MCC: variants seen among roughly 807,000 people sequenced by gnomAD.
MCC encodes colorectal mutant cancer protein.
A neutral mutation model predicts 116.2 loss-of-function variants in MCC; 90 were observed. The observed-to-expected ratio is 0.77, with a 90% CI of 0.65 to 0.92. The LOEUF (loss-of-function observed/expected upper bound fraction) is 0.92. Among genes scored for constraint, MCC ranks in the 40% least tolerant of loss-of-function variants. MCC has a pLI of 0.00. For missense variants in MCC, 1,516 were observed against 1,312.2 expected, an observed-to-expected ratio of 1.16 and a Z score of -2.40; for synonymous variants, 578 against 510.5, an observed-to-expected ratio of 1.13 and a Z score of -1.78.
intron 3 of MCC, among the ~76,000 whole-genome samples, chr5:113,166,442 G>C (rs1297690835): frequency 3.9e-5 from 6 of 152,116 alleles, no homozygotes; most frequent in Admixed American, 6.5e-5. Context: ...CTGATATCCA[G>C]ATGGAGTGTC....
Position 113,071,169 on chromosome 5 carries a change from T to A in MCC, c.1850A>T (p.Asn617Ile), listed in dbSNP as rs746062760. 4.3e-6 allele frequency: 7 copies of A among 1,614,214 alleles called. No individual in the cohort carries two copies. Among genetic ancestry groups the A allele is most frequent in the Non-Finnish European group, 5.1e-6 (6 of 1,180,036 alleles). The change falls in exon 12 of 19, where the codon AAT becomes ATT. Residue 617 changes from asparagine (N) to isoleucine (I), a missense_variant. Coordinates refer to ENST00000408903, the MANE Select transcript of MCC (RefSeq NM_001085377.2). ...LTITLEECKS[N>I]AERMSMLVGK... ...CACCAGCATGCTCATCCTCTCGGCATTGCTTTTACATTCCTCCAAGGTTAT... is the reference window on the plus strand; with the variant it reads ...CACCAGCATGCTCATCCTCTCGGCAATGCTTTTACATTCCTCCAAGGTTAT...
At chr5:113,187,049 A>G (rs1280470221) in intron 3 of MCC, among the ~76,000 whole-genome samples, 1 of 152,222 alleles carries the variant, frequency 6.6e-6, no homozygotes, top group Non-Finnish European at 1.5e-5. Flanking sequence ...CTGGCCTATA[A>G]GATACAGGAT....
At chr5:113,204,941 T>C (rs1188508069) in intron 3 of MCC, among the ~76,000 whole-genome samples, 1 of 152,212 alleles carries the variant, frequency 6.6e-6, no homozygotes, top group East Asian at 1.9e-4. Flanking sequence ...AGTGGAACCC[T>C]GCAGTAACTC....
At chr5:113,258,327 T>C (rs1342190033) in intron 3 of MCC, among the ~76,000 whole-genome samples, 2 of 152,180 alleles carry the variant, frequency 1.3e-5, no homozygotes, top group Non-Finnish European at 2.9e-5. Flanking sequence ...CTAGAACAAA[T>C]AAATCACTTA....
At chr5:113,093,561 A>G (rs2150249502) in intron 8 of MCC, among the ~76,000 whole-genome samples, 1 of 152,168 alleles carries the variant, frequency 6.6e-6, no homozygotes, top group African/African-American at 2.4e-5. Flanking sequence ...GGAAAGTGAG[A>G]TGTTGGGGGG....
intron 1 of MCC, among the ~76,000 whole-genome samples, chr5:113,421,951 G>A (rs963011719): frequency 6.6e-6 from 1 of 152,194 alleles, no homozygotes; most frequent in Admixed American, 6.5e-5. Flanking sequence ...ATAAGACTAT[G>A]ATAGTAAGAT....
At chr5:113,407,775 T>C (rs775132047) in intron 1 of MCC, among the ~76,000 whole-genome samples, 2 of 152,172 alleles carry the variant, frequency 1.3e-5, no homozygotes, top group African/African-American at 2.4e-5. Flanking sequence ...TAGCTATTTG[T>C]CCTGATGCTC....
At chr5:113,331,413 G>A (rs1767693275) in intron 3 of MCC, among the ~76,000 whole-genome samples, 1 of 151,618 alleles carries the variant, frequency 6.6e-6, no homozygotes. Flanking sequence ...GACCAGGACA[G>A]GGGTATAGTA....
At chr5:113,206,466 G>C (rs1762913893) in intron 3 of MCC, among the ~76,000 whole-genome samples, 1 of 152,170 alleles carries the variant, frequency 6.6e-6, no homozygotes, top group Non-Finnish European at 1.5e-5. Flanking sequence ...TATAATCCCA[G>C]CACTTTGGGA....
intron 3 of MCC, among the ~76,000 whole-genome samples, chr5:113,157,534 T>C (rs966002871): frequency 3.3e-5 from 5 of 151,930 alleles, no homozygotes; most frequent in African/African-American, 4.9e-5. Context: ...CTGAGGCACC[T>C]CATGGTGCTG....
chr5:113,335,268 G>C (rs1242327434), intron 3 of MCC, among the ~76,000 whole-genome samples: 5 of 151,680 alleles, frequency 3.3e-5, no homozygotes, highest in Non-Finnish European at 5.9e-5. Context: ...TTTAAATGAG[G>C]GAAGACAGAG....
chr5:113,418,471 A>T (rs1214001029), intron 1 of MCC, among the ~76,000 whole-genome samples: 3 of 149,352 alleles, frequency 2.0e-5, no homozygotes, highest in South Asian at 4.2e-4. Flanking sequence ...GCAGTGGGAG[A>T]CCCCAGCTTA....
In MCC at chr5:113,025,863, A is replaced by T. The variant is rs1750509940; in HGVS notation, c.*1439T>A. The T allele has an allele frequency of 2.0e-5, 3 of 152,122 alleles. No individual in the cohort carries two copies. Among genetic ancestry groups the T allele is most frequent in the Non-Finnish European group, 4.4e-5 (3 of 68,024 alleles). The allele number at this position is 152,122 out of a possible 1,614,324, so 9.4% of individuals were successfully genotyped here. A position where few individuals can be genotyped will look rare whatever the true frequency, so the allele number is the denominator to read the frequency against. On this transcript the variant is annotated 3_prime_UTR_variant, in exon 19 of 19. Coordinates refer to ENST00000408903, the MANE Select transcript of MCC (RefSeq NM_001085377.2). ...AATTTGTATCATGCTCTGAAAATAG[A>T]CCTACCCGTAGCTTATGGACATAAA...
intron 1 of MCC, among the ~76,000 whole-genome samples, chr5:113,413,648 T>G (rs769372910): frequency 9.8e-5 from 15 of 152,306 alleles, no homozygotes; most frequent in Non-Finnish European, 1.9e-4. Flanking sequence ...TGCATCTATT[T>G]GAATCTTCTC....
intron 3 of MCC, among the ~76,000 whole-genome samples, chr5:113,295,421 A>G (rs1363343535): frequency 6.7e-6 from 1 of 148,196 alleles, no homozygotes; most frequent in Non-Finnish European, 1.5e-5. Flanking sequence ...CATTTTCTGC[A>G]TGTCCATAAT....
chr5:113,148,599 AATC>A (rs1196901011), intron 4 of MCC, among the ~76,000 whole-genome samples: 5 of 152,238 alleles, frequency 3.3e-5, no homozygotes, highest in Non-Finnish European at 5.9e-5. Context: ...GCTCTTCTAC[AATC>A]TGGTAAAGCC....
intron 13 of MCC, 75 bp from the exon 14 acceptor site, chr5:113,064,242 T>C: frequency 6.0e-6 from 8 of 1,326,848 alleles, no homozygotes; most frequent in Non-Finnish European, 6.2e-6. Context: ...CTATGCATAA[T>C]TAACTCTGTT....
chr5:113,312,906 C>A (rs1767169326), intron 3 of MCC, among the ~76,000 whole-genome samples: 2 of 152,244 alleles, frequency 1.3e-5, no homozygotes, highest in African/African-American at 4.8e-5. Context: ...AATGAATGAG[C>A]CTGTGTCAAG....
At position 113,333,061 on chromosome 5, in the gene MCC, G is replaced by A. The variant is rs76874199; in HGVS notation, c.627+7458C>T. 8.8e-3 allele frequency among the ~76,000 whole-genome samples: 1,326 copies of A among 151,478 alleles called. 77 individuals are homozygous for A. The highest frequency in any genetic ancestry group is 0.031 in the African/African-American group (1,270 of 40,916). On this transcript the variant is annotated intron_variant, in intron 3 of 18. Coordinates refer to ENST00000408903, the MANE Select transcript of MCC (RefSeq NM_001085377.2). ...GTAAAAACAAACAAAAAAACTCCTC[G>A]GTATTTTATGGTTGATATGAAAAAA...
Sources: allele counts gnomAD v4.1 joint callset (sites outside exome capture counted in the v4.1 genomes callset), GRCh38; gene constraint gnomAD v4.1.1; transcripts MANE v1.5; gene names NCBI Gene and HGNC (gene_info 2026-07-23, HGNC 2026-07-21).